Variants in CCNJL observed in about 807,000 individuals in gnomAD.
CCNJL encodes the protein cyclin-J-like protein.
A neutral mutation model predicts 33.4 loss-of-function variants in CCNJL; 33 were observed. The ratio of observed to expected loss-of-function variants is 0.99; its 90% CI spans 0.75 to 1.32. CCNJL has a LOEUF of 1.32. Among genes scored for constraint, CCNJL ranks in the 40% most tolerant of loss-of-function variants. The probability of loss-of-function intolerance (pLI) is 0.00; values close to 1 mark genes in which losing one functional copy is unlikely to be tolerated. For synonymous variants in CCNJL, 227 were observed against 220.9 expected (o/e 1.03, Z -0.24); for missense variants, 512 against 499.7 (o/e 1.02, Z -0.23).
chr5:160,283,008 T>TATATAC (rs1554120707), intron 2 of CCNJL, among the ~76,000 whole-genome samples: 55 of 52,630 alleles, frequency 1.0e-3, no homozygotes, highest in Non-Finnish European at 1.3e-3. Flanking sequence ...TATATATATA[T>TATATAC]ACATATATAT....
chr5:160,283,776 A>C (rs1762321624), intron 2 of CCNJL, among the ~76,000 whole-genome samples: 1 of 151,142 alleles, frequency 6.6e-6, no homozygotes. Flanking sequence ...AACCCCCACT[A>C]CCCTTCCCAG....
intron 1 of CCNJL, among the ~76,000 whole-genome samples, chr5:160,334,433 C>T (rs188802148): frequency 6.6e-6 from 1 of 152,346 alleles, no homozygotes; most frequent in East Asian, 1.9e-4. Context: ...AAATCAATCA[C>T]AATAGCTATT....
chr5:160,301,149 T>C (rs1004033913), intron 2 of CCNJL, among the ~76,000 whole-genome samples: 1 of 152,014 alleles, frequency 6.6e-6, no homozygotes, highest in Admixed American at 6.6e-5. Flanking sequence ...AGGCATTCAG[T>C]GGGGAAATGG....
intron 2 of CCNJL, among the ~76,000 whole-genome samples, chr5:160,308,119 G>A (rs1369913587): frequency 6.6e-6 from 1 of 152,168 alleles, no homozygotes; most frequent in African/African-American, 2.4e-5. Context: ...ACCCCTTGGA[G>A]GGTGGTCACA....
intron 1 of CCNJL, among the ~76,000 whole-genome samples, chr5:160,339,046 C>G (rs1763717886): frequency 6.6e-6 from 1 of 152,074 alleles, no homozygotes; most frequent in Non-Finnish European, 1.5e-5. Flanking sequence ...CTCGGACTCC[C>G]AAAGTGCTGG....
rs907134031 is a variant in CCNJL at position 160,252,055 on chromosome 5, A to G, written c.*1323T>C. The G allele has an allele frequency of 6.6e-6, 1 of 152,602 alleles. No individual in the cohort carries two copies. Among genetic ancestry groups the G allele is most frequent in the African/African-American group, 2.4e-5 (1 of 41,446 alleles). The allele number at this position is 152,602 out of a possible 1,614,324, so 9.5% of individuals were successfully genotyped here. ...ATCCAAGACAGGTATTCCTCAAACA[A>G]AACAAAAATTGCTTCCACGGTCCTT... On this transcript the variant is annotated 3_prime_UTR_variant, in exon 6 of 6. Transcript: ENST00000257536.
At chr5:160,324,924 C>T (rs1214197529) in intron 1 of CCNJL, among the ~76,000 whole-genome samples, 5 of 152,196 alleles carry the variant, frequency 3.3e-5, no homozygotes, top group African/African-American at 1.2e-4. Context: ...CTATAGAATA[C>T]GAGCAGCCAA....
At chr5:160,315,396 G>A (rs1369329011), upstream of CCNJL, 1 of 432,100 alleles carries the variant, frequency 2.3e-6, no homozygotes, top group Admixed American at 2.5e-5. Context: ...AGTCTTAGCT[G>A]CTCAGAAAGC....
intron 2 of CCNJL, among the ~76,000 whole-genome samples, chr5:160,290,134 G>A (rs1050497459): frequency 6.6e-6 from 1 of 152,218 alleles, no homozygotes; most frequent in Non-Finnish European, 1.5e-5. Context: ...AGGGGAGGAA[G>A]TGAAGTCCTC....
intron 1 of CCNJL, among the ~76,000 whole-genome samples, chr5:160,337,672 G>C (rs1346781162): frequency 6.6e-6 from 1 of 152,118 alleles, no homozygotes; most frequent in Non-Finnish European, 1.5e-5. Context: ...CCAACAAAAT[G>C]TTGCCAGGTT....
In CCNJL at chr5:160,253,044, G is replaced by A; in HGVS notation, c.*334C>T. ...TTAATGCTAAAAACTGGACATGCTT[G>A]AGATCAGTGGTCTGTGTCCAGTTCC... On this transcript the variant is annotated 3_prime_UTR_variant, in exon 6 of 6. Coordinates refer to ENST00000257536, the MANE Select transcript of CCNJL (RefSeq NM_001308173.3). 4.1e-6 allele frequency: 1 copy of A among 244,408 alleles called. No homozygotes were observed. The highest frequency in any genetic ancestry group is 7.8e-6 in the Non-Finnish European group (1 of 128,478). The allele number at this position is 244,408 out of a possible 1,614,324, so 15.1% of individuals were successfully genotyped here.
chr5:160,307,106 CA>C (rs999897197), intron 2 of CCNJL, among the ~76,000 whole-genome samples: 1 of 152,256 alleles, frequency 6.6e-6, no homozygotes, highest in Admixed American at 6.5e-5. Flanking sequence ...TCCCTGCACA[CA>C]AGCATTCATT....
chr5:160,293,594 T>C (rs1412120137), intron 2 of CCNJL, among the ~76,000 whole-genome samples: 1 of 152,172 alleles, frequency 6.6e-6, no homozygotes, highest in East Asian at 1.9e-4. Context: ...TGTTTCTCTG[T>C]GCGCACGCAT....
At chr5:160,262,036 C>T (rs1374691903) in intron 3 of CCNJL, among the ~76,000 whole-genome samples, 1 of 152,132 alleles carries the variant, frequency 6.6e-6, no homozygotes, top group Non-Finnish European at 1.5e-5. Context: ...ATCATGTATT[C>T]TTTGTGCAGT....
At position 160,319,985 on chromosome 5, in the gene CCNJL, C is replaced by T. The variant is rs139004795; in HGVS notation, n.207-4480G>A. ...TGGATAACATGGATAGCGGAGCTAACGGGGACCTATGGGAATCACCTGGCC... is the reference window on the plus strand; with the variant it reads ...TGGATAACATGGATAGCGGAGCTAATGGGGACCTATGGGAATCACCTGGCC... On this transcript the variant is annotated intron_variant and non_coding_transcript_variant, in intron 1 of 7. Transcript: ENST00000377503. Among the ~76,000 whole-genome samples, 460 of 152,194 alleles carry T rather than the reference C, an allele frequency of 3.0e-3. 3 individuals are homozygous for T. The highest frequency in any genetic ancestry group is 0.01 in the African/African-American group (436 of 41,532).
At chr5:160,301,562 T>C (rs968648955) in intron 2 of CCNJL, among the ~76,000 whole-genome samples, 19 of 151,772 alleles carry the variant, frequency 1.3e-4, no homozygotes, top group Admixed American at 1.2e-3. Context: ...GCTTCCTGAA[T>C]AGCTGTGACT....
chr5:160,325,920 T>C (rs1763528406), intron 1 of CCNJL, among the ~76,000 whole-genome samples: 1 of 152,202 alleles, frequency 6.6e-6, no homozygotes, highest in South Asian at 2.1e-4. Context: ...GCTTTCCTTT[T>C]ACTGTGGCAG....
chr5:160,257,801 T>C (rs914547141), intron 4 of CCNJL, among the ~76,000 whole-genome samples: 2 of 152,096 alleles, frequency 1.3e-5, no homozygotes, highest in Admixed American at 1.3e-4. Flanking sequence ...AGCAAGACAC[T>C]TGGCATGCAG....
intron 3 of CCNJL, among the ~76,000 whole-genome samples, chr5:160,278,005 T>A (rs1357838201): frequency 1.3e-5 from 2 of 152,174 alleles, no homozygotes; most frequent in African/African-American, 4.8e-5. Flanking sequence ...CCTCCCGGGT[T>A]CAAGCGATTC....
Sources: allele counts gnomAD v4.1 joint callset (sites outside exome capture counted in the v4.1 genomes callset), GRCh38; gene constraint gnomAD v4.1.1; transcripts MANE v1.5; gene names NCBI Gene and HGNC (gene_info 2026-07-23, HGNC 2026-07-21).